Variants in MYLK4 observed in about 807,000 individuals in gnomAD.
The protein encoded by MYLK4 is myosin light chain kinase family member 4, also known as caMLCK like.
Under a neutral mutation model 48.1 loss-of-function variants are expected in MYLK4, and 46 were observed. The ratio of observed to expected loss-of-function variants is 0.96; its 90% CI spans 0.75 to 1.22. MYLK4 has a LOEUF of 1.22. MYLK4 is among the 50% of genes most tolerant of loss of function. The pLI is 0.00. For synonymous variants in MYLK4, 170 were observed against 180.8 expected (o/e 0.94, Z 0.48); for missense variants, 451 against 486.1 (o/e 0.93, Z 0.68).
chr6:2,671,440 C>T, intron 11 of MYLK4, 92 bp from the exon 12 acceptor site: 1 of 1,218,956 alleles, frequency 8.2e-7, no homozygotes, highest in Non-Finnish European at 1.2e-6. Context: ...TCACTTGCTA[C>T]TGAGGAGAAG....
the MYLK4 span, among the ~76,000 whole-genome samples, chr6:2,763,329 T>C: frequency 7.2e-5 from 11 of 152,372 alleles, no homozygotes; most frequent in East Asian, 9.6e-4. Flanking sequence ...TCCCACGTAA[T>C]GAGCCTGCAT....
At chr6:2,770,199 A>G in the MYLK4 span, 9 of 1,614,194 alleles carry the variant, frequency 5.6e-6, no homozygotes, top group Admixed American at 3.3e-5. Flanking sequence ...TTCCAGGTCA[A>G]CGCTGCTCTT....
rs141357455 is a variant in MYLK4 at position 2,684,276 on chromosome 6, C to T, written c.545+1020G>A. 8.5e-4 allele frequency among the ~76,000 whole-genome samples: 130 copies of T among 152,270 alleles called. 1 individual carries two copies. The highest frequency in any genetic ancestry group is 2.9e-3 in the African/African-American group (119 of 41,560). ...GGAGACGCTGGACAAAGGGATGATTCACGTCCTGGGTGGGACCGAGCGGGA... is the reference window on the plus strand; with the variant it reads ...GGAGACGCTGGACAAAGGGATGATTTACGTCCTGGGTGGGACCGAGCGGGA... On this transcript the variant is annotated intron_variant, in intron 6 of 12. Transcript: ENST00000274643.
chr6:2,680,106 T>G, intron 8 of MYLK4, 115 bp downstream of exon 8: 1 of 1,224,434 alleles, frequency 8.2e-7, no homozygotes, highest in Non-Finnish European at 1.1e-6. Context: ...TTTTGTTAAA[T>G]TAATTATAAA....
chr6:2,685,602 C>T lies in MYLK4; in HGVS notation c.342-26G>A. ...CTGCCAAAAAGAGGAAGCGGCGTAG[C>T]ATGAGGCCCTGTGGTCAGCTGCCGA... On this transcript the variant is annotated intron_variant, in intron 4 of 12. Coordinates refer to ENST00000274643, the MANE Select transcript of MYLK4 (RefSeq NM_001012418.5). The surrounding 1 kb of genome is among the most constrained non-coding windows in gnomAD (Gnocchi z 4.5). The T allele has an allele frequency of 6.2e-7, 1 of 1,610,080 alleles. No individual in the cohort carries two copies. The highest frequency in any genetic ancestry group is 8.5e-7 in the Non-Finnish European group (1 of 1,176,744).
intron 7 of MYLK4, among the ~76,000 whole-genome samples, chr6:2,681,821 C>A (rs780994843): frequency 6.6e-6 from 1 of 152,198 alleles, no homozygotes; most frequent in African/African-American, 2.4e-5. Flanking sequence ...TGTTATGAAG[C>A]CTCATATGGA....
intron 2 of MYLK4, among the ~76,000 whole-genome samples, chr6:2,700,633 AAGG>A (rs1158111817): frequency 3.3e-5 from 5 of 152,154 alleles, no homozygotes; most frequent in Non-Finnish European, 5.9e-5. Flanking sequence ...AAATGAGGCC[AAGG>A]TAAACGGCCC....
the MYLK4 span, among the ~76,000 whole-genome samples, chr6:2,763,504 C>T: frequency 0.13 from 19,164 of 152,252 alleles, 1,569 homozygotes; most frequent in East Asian, 0.32. Flanking sequence ...GCGAGAAGTG[C>T]TGTCCCAAGT....
At chr6:2,762,770 C>T in the MYLK4 span, among the ~76,000 whole-genome samples, 2 of 152,146 alleles carry the variant, frequency 1.3e-5, no homozygotes, top group Admixed American at 1.3e-4. Flanking sequence ...TTCCTGATCT[C>T]GCCGGCTCAG....
intron 2 of MYLK4, among the ~76,000 whole-genome samples, chr6:2,717,641 C>T (rs1008452229): frequency 2.0e-5 from 3 of 152,238 alleles, no homozygotes; most frequent in Non-Finnish European, 4.4e-5. Flanking sequence ...ACGCCCTCAT[C>T]CAATCCTCAG....
chr6:2,751,885 T>G (rs2113389069), upstream of MYLK4, among the ~76,000 whole-genome samples: 1 of 152,372 alleles, frequency 6.6e-6, no homozygotes, highest in East Asian at 1.9e-4. Flanking sequence ...TGGAGAGCTT[T>G]GTTCTTCAGC....
intron 12 of MYLK4, among the ~76,000 whole-genome samples, chr6:2,668,589 C>T (rs755356426): frequency 4.6e-5 from 7 of 152,168 alleles, no homozygotes; most frequent in Non-Finnish European, 7.3e-5. Context: ...TCTTCAGCCA[C>T]CAGATTTTTA....
intron 12 of MYLK4, among the ~76,000 whole-genome samples, chr6:2,668,546 G>A (rs575719050): frequency 7.9e-5 from 12 of 152,104 alleles, no homozygotes; most frequent in Admixed American, 6.5e-4. Context: ...CTTATTTATC[G>A]GCCTGGAACT....
Position 2,679,303 on chromosome 6 carries a change from A to T in MYLK4, c.864T>A (p.Ser288Arg). Residue 288 changes from serine (S) to arginine (R), a missense_variant, in exon 9 of 13, where the codon AGT becomes AGA. Ser to Arg is a moderately radical substitution (Grantham distance 110). Transcript: ENST00000274643. ...DFVSFPTDMWSVGVIAYMLLS... is the reference protein window; with the variant it reads ...DFVSFPTDMWRVGVIAYMLLS... ...ACAGCATATAGGCGATGACCCCCAC[A>T]CTCCACATGTCAGTGGGAAATGAAA... 6.2e-7 allele frequency: 1 copy of T among 1,614,060 alleles called. No individual in the cohort carries two copies. The highest frequency in any genetic ancestry group is 8.5e-7 in the Non-Finnish European group (1 of 1,179,984).
Position 2,740,705 on chromosome 6 carries a change from G to C in MYLK4, c.159+8431C>G, listed in dbSNP as rs186360243. On this transcript the variant is annotated intron_variant, in intron 2 of 12. Transcript: ENST00000274643. ...GTAGGAACTCAGGAATGACATCGTA[G>C]AGACATGGTGCTGGGCACATAAGAA... Among the ~76,000 whole-genome samples, 619 of 152,326 alleles carry C rather than the reference G, an allele frequency of 4.1e-3. 12 individuals are homozygous for C. Among genetic ancestry groups the C allele is most frequent in the Admixed American group, 0.036 (555 of 15,302 alleles).
chr6:2,699,293 T>C (rs1445422401), intron 2 of MYLK4, among the ~76,000 whole-genome samples: 9 of 90,318 alleles, frequency 1.0e-4, no homozygotes, highest in African/African-American at 4.3e-4. Flanking sequence ...TTTTCTTTTT[T>C]TTTTTTTTTT....
At chr6:2,694,334 C>T (rs1229051532) in intron 2 of MYLK4, among the ~76,000 whole-genome samples, 1 of 151,376 alleles carries the variant, frequency 6.6e-6, no homozygotes, top group East Asian at 2.0e-4. Context: ...ATCCCCACCC[C>T]TGGTGTCCCT....
At chr6:2,728,999 C>A (rs184055478) in intron 2 of MYLK4, among the ~76,000 whole-genome samples, 26 of 152,272 alleles carry the variant, frequency 1.7e-4, no homozygotes, top group African/African-American at 6.3e-4. Context: ...GGAGTCTTTG[C>A]TGGTTGCTAT....
Position 2,685,237 on chromosome 6 carries a change from A to G in MYLK4, c.545+59T>C. 1 of 1,291,608 alleles carries G rather than the reference A, an allele frequency of 7.7e-7. No individual in the cohort carries two copies. Among genetic ancestry groups the G allele is most frequent in the Non-Finnish European group, 1.1e-6 (1 of 890,846 alleles). 80.0% of individuals were successfully genotyped at this position (1,291,608 alleles called of 1,614,324 possible). On this transcript the variant is annotated intron_variant, in intron 6 of 12. Coordinates refer to ENST00000274643, the MANE Select transcript of MYLK4 (RefSeq NM_001012418.5). This position sits in a 1 kb window ranked among gnomAD's most constrained non-coding sequence, Gnocchi z 4.5. ...TACAGCAGGACGGAGCTACTGAGGCACGGTCACGGTCATGAGTGCCCTTGG... is the reference window on the plus strand; with the variant it reads ...TACAGCAGGACGGAGCTACTGAGGCGCGGTCACGGTCATGAGTGCCCTTGG...
Sources: gnomAD v4.1 joint callset for allele counts (sites outside exome capture counted in the v4.1 genomes callset) on GRCh38, gnomAD v4.1.1 for gene constraint, Gnocchi (gnomAD v3.1) non-coding constraint, MANE v1.5 for transcripts, NCBI Gene and HGNC (gene_info 2026-07-23, HGNC 2026-07-21) for gene names.